The following GLIS3 variants were observed in gnomAD, a reference collection of about 807,000 sequenced individuals.
GLIS3 encodes GLIS family zinc finger 3, also known as zinc finger protein GLIS3.
Under a neutral mutation model 78.6 loss-of-function variants are expected in GLIS3, and 53 were observed. The ratio of observed to expected loss-of-function variants is 0.67; its 90% CI spans 0.54 to 0.85. GLIS3 has a LOEUF of 0.85. GLIS3 is among the 40% of genes least tolerant of loss of function. The pLI, the probability that GLIS3 is intolerant of heterozygous loss-of-function variation, is 0.00. For synonymous variants in GLIS3, 684 were observed against 509.9 expected (o/e 1.34, Z -4.60); for missense variants, 1,703 against 1,231.1 (o/e 1.38, Z -5.74).
the GLIS3 span, among the ~76,000 whole-genome samples, chr9:4,396,727 C>T: frequency 0.084 from 12,721 of 152,178 alleles, 680 homozygotes; most frequent in Middle Eastern, 0.16. Context: ...ACATAAATTT[C>T]ACATACGATT....
intron 4 of GLIS3, among the ~76,000 whole-genome samples, chr9:4,083,183 T>G (rs1828707818): frequency 1.3e-5 from 2 of 152,200 alleles, no homozygotes; most frequent in African/African-American, 4.8e-5. Context: ...ACAATTTGGT[T>G]CAAGTGGTGT....
At chr9:4,007,343 C>G (rs1216342870) in intron 4 of GLIS3, among the ~76,000 whole-genome samples, 1 of 152,146 alleles carries the variant, frequency 6.6e-6, no homozygotes, top group Non-Finnish European at 1.5e-5. Flanking sequence ...ACACCTCAGG[C>G]TGAAGAGGGA....
chr9:3,837,295 G>A (rs996457096), intron 9 of GLIS3, among the ~76,000 whole-genome samples: 5 of 152,178 alleles, frequency 3.3e-5, no homozygotes, highest in Admixed American at 6.5e-5. Context: ...TGCTGGCAAG[G>A]ATGTGGAGCA....
chr9:4,073,217 G>C (rs1479825381), intron 4 of GLIS3, among the ~76,000 whole-genome samples: 1 of 152,164 alleles, frequency 6.6e-6, no homozygotes, highest in Admixed American at 6.5e-5. Flanking sequence ...CTACAAGCAT[G>C]ATCGCTACAG....
At chr9:3,835,777 ATTC>A (rs1818314137) in intron 9 of GLIS3, among the ~76,000 whole-genome samples, 2 of 152,170 alleles carry the variant, frequency 1.3e-5, no homozygotes, top group Non-Finnish European at 2.9e-5. Flanking sequence ...TTCTTTTTCT[ATTC>A]TTCTAATAAC....
intron 2 of GLIS3, among the ~76,000 whole-genome samples, chr9:4,211,489 C>A (rs1279339745): frequency 6.6e-6 from 1 of 152,202 alleles, no homozygotes; most frequent in African/African-American, 2.4e-5. Context: ...ATTGCCAGCA[C>A]ACAACACCAG....
chr9:3,959,444 C>A (rs1335044055), intron 4 of GLIS3, among the ~76,000 whole-genome samples: 2 of 152,180 alleles, frequency 1.3e-5, no homozygotes, highest in African/African-American at 4.8e-5. Context: ...TTTAAAATGA[C>A]AATCAGAAAA....
At chr9:4,407,776 A>G in the GLIS3 span, among the ~76,000 whole-genome samples, 1 of 152,238 alleles carries the variant, frequency 6.6e-6, no homozygotes, top group African/African-American at 2.4e-5. Flanking sequence ...AATCACATCA[A>G]GTTAAAAAGC....
intron 1 of GLIS3, among the ~76,000 whole-genome samples, chr9:4,296,340 T>C (rs184221410): frequency 1.8e-4 from 27 of 150,306 alleles, no homozygotes; most frequent in Admixed American, 4.6e-4. Context: ...TCTTCTGGAA[T>C]GGCAGAAGGA....
intron 4 of GLIS3, among the ~76,000 whole-genome samples, chr9:4,011,206 C>T (rs977505801): frequency 1.4e-4 from 21 of 152,106 alleles, no homozygotes; most frequent in African/African-American, 2.2e-4. Context: ...AAATAAATAA[C>T]GTGTGCGCAG....
the GLIS3 span, among the ~76,000 whole-genome samples, chr9:4,382,330 G>A: frequency 6.6e-6 from 1 of 152,178 alleles, no homozygotes; most frequent in Non-Finnish European, 1.5e-5. Flanking sequence ...TGGAGAGTTA[G>A]AGCATTATTG....
Position 3,827,014 on chromosome 9 carries a change from C to G in GLIS3, c.*1258G>C, listed in dbSNP as rs1268442469. 1.3e-5 allele frequency: 2 copies of G among 152,080 alleles called. No homozygotes were observed. The highest frequency in any genetic ancestry group is 4.8e-5 in the African/African-American group (2 of 41,398). The allele number at this position is 152,080 out of a possible 1,614,324, so 9.4% of individuals were successfully genotyped here. On this transcript the variant is annotated 3_prime_UTR_variant, in exon 11 of 11. Transcript: ENST00000381971. ...CCAAGTGCTATGTGAAAATTCCAGGCCTTCAAACTGGAACTCAGAAAAAGA... is the reference window on the plus strand; with the variant it reads ...CCAAGTGCTATGTGAAAATTCCAGGGCTTCAAACTGGAACTCAGAAAAAGA...
the GLIS3 span, among the ~76,000 whole-genome samples, chr9:4,412,473 A>G: frequency 6.6e-6 from 1 of 152,180 alleles, no homozygotes; most frequent in Non-Finnish European, 1.5e-5. Flanking sequence ...TAGAACAGTT[A>G]ATCTATGTAA....
chr9:4,405,462 A>G, the GLIS3 span, among the ~76,000 whole-genome samples: 1 of 152,174 alleles, frequency 6.6e-6, no homozygotes, highest in Admixed American at 6.5e-5. Flanking sequence ...ATGCCAATAA[A>G]TTGGAAAATC....
chr9:3,909,807 C>CT (rs1479924093), intron 6 of GLIS3, among the ~76,000 whole-genome samples: 1 of 152,214 alleles, frequency 6.6e-6, no homozygotes, highest in Non-Finnish European at 1.5e-5. Flanking sequence ...TGTAGCAACA[C>CT]TATCCAGTTG....
intron 2 of GLIS3, among the ~76,000 whole-genome samples, chr9:4,188,601 A>T (rs1818026988): frequency 6.6e-6 from 1 of 152,144 alleles, no homozygotes; most frequent in African/African-American, 2.4e-5. Context: ...CTCTGGTAGA[A>T]TTCAGCTGTG....
chr9:4,062,776 A>C (rs1178107525), intron 4 of GLIS3, among the ~76,000 whole-genome samples: 1 of 152,118 alleles, frequency 6.6e-6, no homozygotes, highest in African/African-American at 2.4e-5. Flanking sequence ...AAATACAAAA[A>C]AAATTAGCCA....
intron 2 of GLIS3, among the ~76,000 whole-genome samples, chr9:4,321,462 A>AAAAAAAAG (rs1183384954): frequency 7.2e-6 from 1 of 138,776 alleles, no homozygotes; most frequent in Non-Finnish European, 1.6e-5. Flanking sequence ...AAAAAAAAAA[A>AAAAAAAAG]ATCAGGTGCC....
chr9:4,087,913 T>C (rs1362784086), intron 4 of GLIS3, among the ~76,000 whole-genome samples: 1 of 152,202 alleles, frequency 6.6e-6, no homozygotes, highest in Admixed American at 6.5e-5. Flanking sequence ...CTCACTTCTA[T>C]TGTCCATCTC....
Sources: allele counts gnomAD v4.1 joint callset (sites outside exome capture counted in the v4.1 genomes callset), GRCh38; gene constraint gnomAD v4.1.1; transcripts MANE v1.5; gene names NCBI Gene and HGNC (gene_info 2026-07-23, HGNC 2026-07-21).